Variants in TIMP1 observed in about 807,000 individuals in gnomAD.
TIMP1 encodes TIMP metallopeptidase inhibitor 1.
In TIMP1, 5 loss-of-function variants were observed where a neutral mutation model predicts 13.7. The observed-to-expected ratio is 0.36, with a 90% confidence interval of 0.19 to 0.76. The LOEUF is 0.76. Among genes scored for constraint, TIMP1 ranks in the 30% least tolerant of loss-of-function variants. The pLI, the probability that TIMP1 is intolerant of heterozygous loss-of-function variation, is 0.51. For synonymous variants in TIMP1, 63 were observed against 67.1 expected, an observed-to-expected ratio of 0.94 and a Z score of 0.30; for missense variants, 131 against 168.4, an observed-to-expected ratio of 0.78 and a Z score of 1.23.
intron 5 of TIMP1, chrX:47,585,876 A>C (rs1302189153): frequency 1.8e-6 from 2 of 1,138,165 alleles, no homozygotes; most frequent in Non-Finnish European, 2.3e-6. Flanking sequence ...TGTGTCCAAT[A>C]CCGTGTGATC....
At chrX:47,586,138 A>T in intron 5 of TIMP1, 1 of 941,106 alleles carries the variant, frequency 1.1e-6, no homozygotes. Flanking sequence ...ATGGCTCCTG[A>T]TGGCCTCTGA....
chrX:47,582,508 G>A (rs952544098), intron 1 of TIMP1, 34 bp downstream of exon 1: 58 of 319,987 alleles, frequency 1.8e-4, no homozygotes, highest in South Asian at 1.2e-3. Context: ...AGCAGGGACC[G>A]GAGCTGGGCT....
chrX:47,583,552 A>C lies in TIMP1; in HGVS notation c.121+16A>C. ...TCCGACCTCGGTGAGTCCTCACCCC[A>C]CTCAGCCCACACACTCTGCCTTGGT... On this transcript the variant is annotated intron_variant, in intron 2 of 5. Transcript: ENST00000218388. The C allele has an allele frequency of 8.5e-7, 1 of 1,176,433 alleles. No homozygotes were observed. The highest frequency in any genetic ancestry group is 1.1e-6 in the Non-Finnish European group (1 of 875,744).
At chrX:47,582,525 TG>T in intron 1 of TIMP1, 51 bp downstream of exon 1, 1 of 342,368 alleles carries the variant, frequency 2.9e-6, no homozygotes, top group Non-Finnish European at 5.9e-6. Flanking sequence ...GGCTGCAGCT[TG>T]GGTGCTGGCC....
rs772050153 is a variant in TIMP1 at position 47,584,244 on chromosome X, T to C, written c.122-692T>C. On this transcript the variant is annotated intron_variant, in intron 2 of 5. Coordinates refer to ENST00000218388, the MANE Select transcript of TIMP1 (RefSeq NM_003254.3). ...ATCAGAGATTGAGGATGATCAGAGA[T>C]TGAGGATGATCAGGTATTGAGGATG... Among the ~76,000 whole-genome samples the C allele has an allele frequency of 1.6e-4, 17 of 109,306 alleles. No individual in the cohort carries two copies. In the East Asian group the frequency reaches 4.6e-3, roughly 30 times the overall value. 94.9% of individuals were successfully genotyped at this position (109,306 alleles called of 115,157 possible).
In TIMP1 at chrX:47,584,417, G is replaced by C. The variant is rs778189076; in HGVS notation, c.122-519G>C. Among the ~76,000 whole-genome samples, 3 of 111,591 alleles carry C rather than the reference G, an allele frequency of 2.7e-5. No individual in the cohort carries two copies. The Admixed American group carries it at 2.8e-4, about 11-fold the overall frequency. ...TTAGCAAGGCTCTCGGCTAAAACTG[G>C]ATTTTACAAGGAAGTGCACAGATGG... On this transcript the variant is annotated intron_variant, in intron 2 of 5. Transcript: ENST00000218388.
chrX:47,583,685 G>A, intron 2 of TIMP1, 149 bp downstream of exon 2: 1 of 653,720 alleles, frequency 1.5e-6, no homozygotes, highest in Non-Finnish European at 2.1e-6. Context: ...ACACTTCCTT[G>A]AGTACTCTGT....
intron 3 of TIMP1, 37 bp downstream of exon 3, chrX:47,585,052 A>G (rs758621364): frequency 1.7e-6 from 2 of 1,196,532 alleles, no homozygotes; most frequent in Admixed American, 2.2e-5. Flanking sequence ...AGCATTTTCT[A>G]ACATCTTCCT....
Position 47,585,556 on chromosome X carries a change from T to C in TIMP1, c.342T>C (p.Asp114=). 1 of 1,201,169 alleles carries C rather than the reference T, an allele frequency of 8.3e-7. No individual in the cohort carries two copies. ...CTTTCTCCTTAGGAAAACTGCAGGA[T>C]GGACTCTTGCACATCACTACCTGCA... ...EEFLIAGKLQ[D]GLLHITTCSF... The change falls in exon 5 of 6, where the codon GAT becomes GAC. Residue 114 remains aspartate (D), a synonymous_variant. Coordinates refer to ENST00000218388, the MANE Select transcript of TIMP1 (RefSeq NM_003254.3).
At position 47,586,766 on chromosome X, in the gene TIMP1, GAAAT is replaced by G; in HGVS notation, c.*79_*82del. On this transcript the variant is annotated 3_prime_UTR_variant, in exon 6 of 6. Coordinates refer to ENST00000218388, the MANE Select transcript of TIMP1 (RefSeq NM_003254.3). ...CACTCCCATCTTTCTTCCGGACAAT[GAAAT>G]AAAGAGTTACCACCCAGCAGACACT... is the stretch of plus-strand genomic sequence containing the variant. 9.0e-7 allele frequency: 1 copy of G among 1,111,929 alleles called. No individual in the cohort carries two copies. The highest frequency in any genetic ancestry group is 1.2e-6 in the Non-Finnish European group (1 of 830,401). The allele number at this position is 1,111,929 out of a possible 1,213,427, so 91.6% of individuals were successfully genotyped here.
At chrX:47,582,628 C>A (rs1374963340) in intron 1 of TIMP1, 154 bp downstream of exon 1, 1 of 348,730 alleles carries the variant, frequency 2.9e-6, no homozygotes, top group South Asian at 2.6e-5. Flanking sequence ...GGAAGAGGGT[C>A]GGAGGCTGGA....
intron 5 of TIMP1, 167 bp downstream of exon 5, chrX:47,585,834 C>T (rs778210969): frequency 2.3e-5 from 26 of 1,147,541 alleles, no homozygotes; most frequent in Non-Finnish European, 2.9e-5. Flanking sequence ...CCCGAGACTG[C>T]TCCCTTACAA....
intron 5 of TIMP1, chrX:47,585,879 G>A (rs1356824907): frequency 1.5e-5 from 17 of 1,135,071 alleles, no homozygotes; most frequent in Non-Finnish European, 1.9e-5. Flanking sequence ...GTCCAATACC[G>A]TGTGATCACC....
At chrX:47,586,389 T>C in intron 5 of TIMP1, 132 bp from the exon 6 acceptor site, 1 of 1,096,537 alleles carries the variant, frequency 9.1e-7, no homozygotes, top group Non-Finnish European at 1.2e-6. Context: ...GGGGCTGTCC[T>C]GGGGTATGTA....
intron 2 of TIMP1, among the ~76,000 whole-genome samples, chrX:47,584,433 G>T (rs1219955903): frequency 1.9e-4 from 21 of 111,925 alleles, no homozygotes; most frequent in Admixed American, 1.7e-3. Flanking sequence ...ACAAGGAAGT[G>T]CACAGATGGG....
rs1271852642 is a variant in TIMP1 at position 47,582,456 on chromosome X, G to T, written c.-27G>T. 1.4e-4 allele frequency: 36 copies of T among 254,686 alleles called. No individual in the cohort carries two copies. In the Admixed American group the frequency reaches 1.9e-3, roughly 13 times the overall value. The allele number at this position is 254,686 out of a possible 1,213,427, so 21.0% of individuals were successfully genotyped here. ...CTGCCGCCATCGCCGCAGATCCAGCGCCCAGAGAGACACCAGAGGTAAGCA... is the reference window on the plus strand; with the variant it reads ...CTGCCGCCATCGCCGCAGATCCAGCTCCCAGAGAGACACCAGAGGTAAGCA... On this transcript the variant is annotated 5_prime_UTR_variant, in exon 1 of 6. Coordinates refer to ENST00000218388, the MANE Select transcript of TIMP1 (RefSeq NM_003254.3).
intron 1 of TIMP1, among the ~76,000 whole-genome samples, chrX:47,583,043 CG>C (rs758797301): frequency 4.6e-4 from 45 of 97,339 alleles, no homozygotes; most frequent in African/African-American, 1.5e-3. Flanking sequence ...TAAACTCTGC[CG>C]TCTCCAAACT....
Position 47,586,580 on chromosome X carries a change from G to A in TIMP1, c.513G>A (p.Thr171=), listed in dbSNP as rs2057827917. Residue 171 remains threonine (T), a synonymous_variant, in exon 6 of 6, where the codon ACG becomes ACA. Transcript: ENST00000218388. ...KLQSGTHCLW[T]DQLLQGSEKG... ...AGAGTGGCACTCATTGCTTGTGGAC[G>A]GACCAGCTCCTCCAAGGCTCTGAAA... 2 of 1,211,923 alleles carry A rather than the reference G, an allele frequency of 1.7e-6. No individual in the cohort carries two copies. The highest frequency in any genetic ancestry group is 2.2e-6 in the Non-Finnish European group (2 of 895,521).
At chrX:47,583,791 C>A (rs1447349214) in intron 2 of TIMP1, among the ~76,000 whole-genome samples, 1 of 111,946 alleles carries the variant, frequency 8.9e-6, no homozygotes, top group Non-Finnish European at 1.9e-5. Context: ...TCAAACGTCA[C>A]CTTCTCAGGA....
Sources: allele counts gnomAD v4.1 joint callset (sites outside exome capture counted in the v4.1 genomes callset), GRCh38; gene constraint gnomAD v4.1.1; transcripts MANE v1.5; gene names NCBI Gene and HGNC (gene_info 2026-07-23, HGNC 2026-07-21).